CMYA5: variants seen among roughly 807,000 people sequenced by gnomAD.
The protein encoded by CMYA5 is cardiomyopathy associated 5, also known as cardiomyopathy-associated protein 5.
In CMYA5, 246 loss-of-function variants were observed where a neutral mutation model predicts 318.9. That is an observed-to-expected ratio of 0.77 (90% confidence interval 0.70 to 0.86). CMYA5 has a LOEUF of 0.86. CMYA5 is among the 40% of genes least tolerant of loss of function. The pLI is 0.00. For missense variants in CMYA5, 4,589 were observed against 4,678.2 expected (o/e 0.98, Z 0.56); for synonymous variants, 1,641 against 1,729.5 (o/e 0.95, Z 1.27).
At position 79,718,029 on chromosome 5, in the gene CMYA5, C is replaced by A. The variant is rs2151080487; in HGVS notation, c.150-10886C>A. The stretch of plus-strand genomic sequence containing the variant: ...TCAGCCTCCCAAGTAGCTAGGACTA[C>A]AGGCACCCGCCACTACGCCCGGCTA... On this transcript the variant is annotated intron_variant, in intron 1 of 12. Transcript: ENST00000446378. Among the ~76,000 whole-genome samples, 2 of 104,090 alleles carry A rather than the reference C, an allele frequency of 1.9e-5. 1 individual carries two copies. Among genetic ancestry groups the A allele is most frequent in the Admixed American group, 1.7e-4 (2 of 11,454 alleles). The allele number at this position is 104,090 out of a possible 152,430, so 68.3% of individuals were successfully genotyped here.
chr5:79,737,213 A>G lies in CMYA5; in HGVS notation c.8448A>G (p.Lys2816=). 1 of 1,613,766 alleles carries G rather than the reference A, an allele frequency of 6.2e-7. No individual in the cohort carries two copies. The highest frequency in any genetic ancestry group is 1.3e-5 in the African/African-American group (1 of 75,036). ...CGCCATATTTGCTGTCACCTGTAAA[A>G]CCACAAACTCTTGCTTCAGGAGCTT... ...ETPPYLLSPV[K]PQTLASGASP... Residue 2816 remains lysine (K), a synonymous_variant, in exon 2 of 13, where the codon AAA becomes AAG. Transcript: ENST00000446378.
At chr5:79,724,146 C>T (rs1827701048) in intron 1 of CMYA5, among the ~76,000 whole-genome samples, 1 of 150,832 alleles carries the variant, frequency 6.6e-6, no homozygotes, top group Admixed American at 6.6e-5. Context: ...GGTGATACCC[C>T]ATCTCTGCTA....
chr5:79,771,068 G>GAA (rs200789494), intron 9 of CMYA5, among the ~76,000 whole-genome samples: 55 of 99,416 alleles, frequency 5.5e-4, no homozygotes, highest in African/African-American at 1.1e-3. Context: ...AGGGAGAGAG[G>GAA]AAAAAAAAAA....
intron 1 of CMYA5, among the ~76,000 whole-genome samples, chr5:79,705,725 A>G (rs1170410355): frequency 6.6e-6 from 1 of 152,142 alleles, no homozygotes; most frequent in African/African-American, 2.4e-5. Flanking sequence ...GATCTCACCA[A>G]TCAGCGTCTA....
At chr5:79,703,823 T>TTG (rs1259770912) in intron 1 of CMYA5, among the ~76,000 whole-genome samples, 2 of 152,220 alleles carry the variant, frequency 1.3e-5, no homozygotes, top group African/African-American at 4.8e-5. Context: ...CCGGGAACAG[T>TTG]GGCACATGCC....
rs554760070 is a variant in CMYA5, at chr5:79,767,862, TTC to T, written c.11555+4655_11555+4656del. 3.3e-3 allele frequency among the ~76,000 whole-genome samples: 505 copies of T among 152,262 alleles called. 4 individuals are homozygous for T. The highest frequency in any genetic ancestry group is 5.4e-3 in the Non-Finnish European group (366 of 68,010). The stretch of plus-strand genomic sequence containing the variant: ...AGTTCAAGTCCTGAATATGTTAATT[TTC>T]TGTCTCATTGATCTGTTTAATACTG... On this transcript the variant is annotated intron_variant, in intron 9 of 12. Coordinates refer to ENST00000446378, the MANE Select transcript of CMYA5 (RefSeq NM_153610.5).
At chr5:79,707,969 C>T (rs1827306785) in intron 1 of CMYA5, among the ~76,000 whole-genome samples, 1 of 152,194 alleles carries the variant, frequency 6.6e-6, no homozygotes, top group African/African-American at 2.4e-5. Context: ...GGGCAAAAGG[C>T]CCTAGAGTGC....
chr5:79,760,814 C>A (rs1197266458), intron 7 of CMYA5, among the ~76,000 whole-genome samples: 1 of 152,144 alleles, frequency 6.6e-6, no homozygotes, highest in African/African-American at 2.4e-5. Flanking sequence ...GACACAGATT[C>A]TGGGATATGG....
Position 79,758,877 on chromosome 5 carries a change from G to GC in CMYA5, c.11237dup (p.Gln3747ThrfsTer3), listed in dbSNP as rs1561222008. On this transcript the variant is annotated frameshift_variant, in exon 7 of 13. Transcript: ENST00000446378. LOFTEE classifies it high-confidence loss of function. ...CATTTCAGGTTTACTGCATGGAGGA[G>GC]CCACAAGATGATCAAGAAGTAAATG... The GC allele has an allele frequency of 1.3e-6, 2 of 1,592,228 alleles. No individual in the cohort carries two copies. The highest frequency in any genetic ancestry group is 3.5e-5 in the Admixed American group (2 of 56,682).
chr5:79,750,010 ATTT>A (rs11440578), intron 5 of CMYA5, among the ~76,000 whole-genome samples: 23,441 of 146,462 alleles, frequency 0.16, 1,896 homozygotes, highest in African/African-American at 0.19. Flanking sequence ...GTTTTTGCCT[ATTT>A]TTTTTTTTTT....
In CMYA5 at chr5:79,734,759, A is replaced by G; in HGVS notation, c.5994A>G (p.Gly1998=). The G allele has an allele frequency of 6.2e-7, 1 of 1,613,850 alleles. No individual in the cohort carries two copies. The highest frequency in any genetic ancestry group is 8.5e-7 in the Non-Finnish European group (1 of 1,179,828). ...AACCAAAGTCTTTAGTCCTAGCTGGAAATGTAGAGAGAAACATAGCAGAGG... is the reference window on the plus strand; with the variant it reads ...AACCAAAGTCTTTAGTCCTAGCTGGGAATGTAGAGAGAAACATAGCAGAGG... ...AEEPKSLVLA[G]NVERNIAEGK... Residue 1998 remains glycine (G), a synonymous_variant, in exon 2 of 13, where the codon GGA becomes GGG. Transcript: ENST00000446378.
At chr5:79,748,567 G>C (rs548105957) in intron 5 of CMYA5, among the ~76,000 whole-genome samples, 1 of 150,676 alleles carries the variant, frequency 6.6e-6, no homozygotes, top group Non-Finnish European at 1.5e-5. Context: ...TTTTGAGCCA[G>C]GGTCTCACTC....
At chr5:79,743,988 A>T in intron 3 of CMYA5, 66 bp downstream of exon 3, 1 of 780,836 alleles carries the variant, frequency 1.3e-6, no homozygotes, top group South Asian at 2.0e-5. Flanking sequence ...AATGATTCTG[A>T]GGTGAAGGGA....
In CMYA5 at chr5:79,729,711, T is replaced by C. The variant is rs984739878; in HGVS notation, c.946T>C (p.Leu316=). 1.2e-6 allele frequency: 2 copies of C among 1,613,974 alleles called. No individual in the cohort carries two copies. Among genetic ancestry groups the C allele is most frequent in the East Asian group, 4.5e-5 (2 of 44,878 alleles). Residue 316 remains leucine (L), a synonymous_variant, in exon 2 of 13, where the codon TTA becomes CTA. Coordinates refer to ENST00000446378, the MANE Select transcript of CMYA5 (RefSeq NM_153610.5). The part of the protein sequence containing the change: ...ALSKGSESLT[L]MFSHEDQKKI... The stretch of plus-strand genomic sequence containing the variant: ...CTCCAAAGGATCAGAGTCCCTAACC[T>C]TAATGTTCAGTCATGAAGATCAAAA...
At chr5:79,753,420 A>C (rs1198113708) in intron 6 of CMYA5, among the ~76,000 whole-genome samples, 1 of 152,150 alleles carries the variant, frequency 6.6e-6, no homozygotes, top group East Asian at 1.9e-4. Context: ...GAAGTTACCA[A>C]GTTTTTCTTA....
Position 79,736,109 on chromosome 5 carries a change from C to T in CMYA5, c.7344C>T (p.Leu2448=). 1.9e-6 allele frequency: 3 copies of T among 1,613,274 alleles called. No homozygotes were observed. Among genetic ancestry groups the T allele is most frequent in the Non-Finnish European group, 2.5e-6 (3 of 1,179,674 alleles). The change falls in exon 2 of 13, where the codon CTC becomes CTT. Residue 2448 remains leucine (L), a synonymous_variant. Coordinates refer to ENST00000446378, the MANE Select transcript of CMYA5 (RefSeq NM_153610.5). ...AAATTTCTGAAGAGGAAACAAAACT[C>T]AGGTCTGTTAGTCCAACTGAGAAGA... ...SLKISEEETK[L]RSVSPTEKKD...
At chr5:79,696,803 C>A (rs1013326504) in intron 1 of CMYA5, among the ~76,000 whole-genome samples, 1 of 152,058 alleles carries the variant, frequency 6.6e-6, no homozygotes, top group Admixed American at 6.5e-5. Context: ...GTCAGGAGTT[C>A]GAGACCAGCC....
chr5:79,711,991 C>G (rs1165616474), intron 1 of CMYA5, among the ~76,000 whole-genome samples: 1 of 152,116 alleles, frequency 6.6e-6, no homozygotes, highest in African/African-American at 2.4e-5. Flanking sequence ...TGCTTCTCTC[C>G]GTAGCTGGAG....
intron 1 of CMYA5, among the ~76,000 whole-genome samples, chr5:79,705,038 C>T (rs1023461276): frequency 1.3e-5 from 2 of 151,526 alleles, no homozygotes; most frequent in Non-Finnish European, 2.9e-5. Context: ...TTTGGGAGGC[C>T]GAGGTAGGCA....
Sources: gnomAD v4.1 joint callset for allele counts (sites outside exome capture counted in the v4.1 genomes callset) on GRCh38, gnomAD v4.1.1 for gene constraint, MANE v1.5 for transcripts, NCBI Gene and HGNC (gene_info 2026-07-23, HGNC 2026-07-21) for gene names.